MYH10: variants seen among roughly 807,000 people sequenced by gnomAD.
MYH10 encodes myosin heavy chain 10, also known as myosin-10.
A neutral mutation model predicts 257.8 loss-of-function variants in MYH10; 55 were observed. The observed-to-expected ratio is 0.21, with a 90% CI of 0.17 to 0.27. The LOEUF (loss-of-function observed/expected upper bound fraction) is 0.27. Ranked by LOEUF, MYH10 falls within the 10% of genes least tolerant of loss-of-function variation. The probability of loss-of-function intolerance (pLI) is 1.00; values close to 1 mark genes in which losing one functional copy is unlikely to be tolerated. For synonymous variants in MYH10, 854 were observed against 921.7 expected, an observed-to-expected ratio of 0.93 and a Z score of 1.33; for missense variants, 1,631 against 2,500.6, an observed-to-expected ratio of 0.65 and a Z score of 7.42.
chr17:8,563,201 C>T (rs919664674), intron 7 of MYH10, among the ~76,000 whole-genome samples: 1 of 152,180 alleles, frequency 6.6e-6, no homozygotes, highest in Non-Finnish European at 1.5e-5. Flanking sequence ...AATCCAAAGG[C>T]CAGATGGCCA....
intron 2 of MYH10, among the ~76,000 whole-genome samples, chr17:8,614,598 T>C (rs2085182803): frequency 6.6e-6 from 1 of 152,156 alleles, no homozygotes. Flanking sequence ...ATTACAGGCA[T>C]GAGCCACTGT....
chr17:8,581,365 T>C (rs268459), intron 4 of MYH10, among the ~76,000 whole-genome samples: 104,738 of 151,892 alleles, frequency 0.69, 36,175 homozygotes, highest in East Asian at 0.77. Flanking sequence ...GCCTCTTTTT[T>C]AGACTGATGA....
At chr17:8,548,046 C>T (rs1230396937) in intron 11 of MYH10, among the ~76,000 whole-genome samples, 2 of 151,978 alleles carry the variant, frequency 1.3e-5, no homozygotes, top group Admixed American at 1.3e-4. Context: ...AGTGTGTGAC[C>T]TCCTGCGGCT....
chr17:8,489,739 A>ACACACACACACACACACACC (rs1401430644), intron 35 of MYH10, among the ~76,000 whole-genome samples: 31 of 151,370 alleles, frequency 2.0e-4, no homozygotes, highest in African/African-American at 7.5e-4. Context: ...ACACACACAC[A>ACACACACACACACACACACC]CACACACCCC....
rs1438180917 is a variant in MYH10 at position 8,545,190 on chromosome 17, A to T, written c.1431+258T>A. ...GCTTCTCATCCTTCAAGTAAGCCTA[A>T]CTGTTGCCAATGCAGAAGCAACCTT... On this transcript the variant is annotated intron_variant, in intron 13 of 42. Coordinates refer to ENST00000360416, the MANE Select transcript of MYH10 (RefSeq NM_001256012.3). The surrounding 1 kb of genome is among the most constrained non-coding windows in gnomAD (Gnocchi z 4.7). Among the ~76,000 whole-genome samples the T allele has an allele frequency of 6.6e-6, 1 of 152,242 alleles. No homozygotes were observed. Among genetic ancestry groups the T allele is most frequent in the Non-Finnish European group, 1.5e-5 (1 of 68,038 alleles).
intron 34 of MYH10, among the ~76,000 whole-genome samples, chr17:8,491,206 G>A (rs975613712): frequency 2.0e-5 from 3 of 152,198 alleles, no homozygotes; most frequent in East Asian, 1.9e-4. Context: ...CAGTTCTCAC[G>A]GGGACAGGCG....
Position 8,552,218 on chromosome 17 carries a change from G to A in MYH10, c.821-74C>T. On this transcript the variant is annotated intron_variant, in intron 8 of 42. Coordinates refer to ENST00000360416, the MANE Select transcript of MYH10 (RefSeq NM_001256012.3). The surrounding 1 kb of genome is among the most constrained non-coding windows in gnomAD (Gnocchi z 4.8). ...AAATAAAGGCCCTCTTTCAGCGTCT[G>A]TAAATTTAAATCATAAAACATCTTC... 1.6e-6 allele frequency: 1 copy of A among 641,484 alleles called. No homozygotes were observed. The highest frequency in any genetic ancestry group is 2.4e-6 in the Non-Finnish European group (1 of 414,040). 39.7% of individuals were successfully genotyped at this position (641,484 alleles called of 1,614,324 possible).
chr17:8,545,586 T>C lies in MYH10; in HGVS notation c.1293A>G (p.Val431=), dbSNP rs759701496. Residue 431 remains valine, a synonymous_variant, in exon 13 of 43, where the codon GTA becomes GTG. Transcript: ENST00000360416. This position sits in a 1 kb window ranked among gnomAD's most constrained non-coding sequence, Gnocchi z 4.7. ...AQTKEQADFA[V]EALAKATYER... is the part of the protein sequence containing the mutation. ...CATAGGTAGCTTTTGCCAATGCTTC[T>C]ACTGCAAAATCTGCCTGTAATTAAA... 1.2e-6 allele frequency: 2 copies of C among 1,611,044 alleles called. No homozygotes were observed. Among genetic ancestry groups the C allele is most frequent in the Non-Finnish European group, 1.7e-6 (2 of 1,179,234 alleles).
At chr17:8,487,802 A>C (rs1915124549) in intron 35 of MYH10, among the ~76,000 whole-genome samples, 1 of 152,198 alleles carries the variant, frequency 6.6e-6, no homozygotes, top group South Asian at 2.1e-4. Flanking sequence ...ACCACCACCT[A>C]GTACAAACCA....
intron 21 of MYH10, among the ~76,000 whole-genome samples, chr17:8,518,141 G>GAAGCAT (rs2081533948): frequency 6.6e-6 from 1 of 150,612 alleles, no homozygotes; most frequent in Non-Finnish European, 1.5e-5. Flanking sequence ...GTGTGTGTGT[G>GAAGCAT]TGTGTGTTTG....
chr17:8,604,828 T>C lies in MYH10; in HGVS notation c.500A>G (p.Gln167Arg), dbSNP rs1376152892. 3 of 1,532,072 alleles carry C rather than the reference T, an allele frequency of 2.0e-6. No individual in the cohort carries two copies. The highest frequency in any genetic ancestry group is 2.6e-6 in the Non-Finnish European group (3 of 1,140,244). The allele number at this position is 1,532,072 out of a possible 1,614,324, so 94.9% of individuals were successfully genotyped here. Residue 167 changes from glutamine to arginine, a missense_variant and splice_region_variant, in exon 3 of 43, where the codon CAA (glutamine) becomes CGA (arginine). Gln to Arg is a conservative substitution (Grantham distance 43, BLOSUM62 1). Around this residue, in one of 11 missense-constraint regions of MYH10, gnomAD observed 360 missense variants for 581.9 expected, o/e 0.62. Transcript: ENST00000360416. ...AGTATTCAAATATTTCCAATTACCT[T>C]GAAGCATGCATCTGTAAGCAGATTC... Reference protein sequence around the residue: ...ISESAYRCMLQDREDQSILCT... With the variant: ...ISESAYRCMLRDREDQSILCT...
Position 8,521,394 on chromosome 17 carries a change from A to G in MYH10, c.1958-109T>C, listed in dbSNP as rs1265894091. The G allele has an allele frequency of 3.5e-6, 4 of 1,159,054 alleles. No individual in the cohort carries two copies. In the African/African-American group the frequency reaches 6.1e-5, roughly 18 times the overall value. The allele number at this position is 1,159,054 out of a possible 1,614,324, so 71.8% of individuals were successfully genotyped here. On this transcript the variant is annotated intron_variant, in intron 17 of 42. Transcript: ENST00000360416. ...GCACAAGCTTTGTGGAACAAATGAC[A>G]GGAGATGCCATATAGGTAAGGCAGT...
intron 16 of MYH10, 43 bp from the exon 17 acceptor site, chr17:8,530,728 C>G (rs1011715820): frequency 5.0e-6 from 7 of 1,410,762 alleles, no homozygotes; most frequent in Non-Finnish European, 6.8e-6. Flanking sequence ...AGAGCAAATA[C>G]ACAAACACTT....
intron 1 of MYH10, among the ~76,000 whole-genome samples, chr17:8,629,717 T>C (rs2085828533): frequency 6.6e-6 from 1 of 151,894 alleles, no homozygotes. Context: ...GCTTACACAA[T>C]AAAGGGATCC....
chr17:8,511,057 TATACAC>T (rs1191655529), intron 24 of MYH10: 1 of 62,704 alleles, frequency 1.6e-5, no homozygotes, highest in East Asian at 4.5e-4. Context: ...TATATATATA[TATACAC>T]ACATACATAC....
chr17:8,516,973 C>T (rs1373567752), intron 21 of MYH10, among the ~76,000 whole-genome samples: 1 of 151,934 alleles, frequency 6.6e-6, no homozygotes, highest in Non-Finnish European at 1.5e-5. Flanking sequence ...CCCATCTCTA[C>T]TAAAAAAAAT....
At chr17:8,566,254 T>A (rs2083164068) in intron 7 of MYH10, among the ~76,000 whole-genome samples, 1 of 152,106 alleles carries the variant, frequency 6.6e-6, no homozygotes, top group Non-Finnish European at 1.5e-5. Flanking sequence ...ACTGTAAGGA[T>A]TCATAGTAGC....
chr17:8,599,502 A>G (rs1278902335), intron 3 of MYH10, among the ~76,000 whole-genome samples: 2 of 152,122 alleles, frequency 1.3e-5, no homozygotes, highest in Non-Finnish European at 2.9e-5. Flanking sequence ...CTCCTAGATG[A>G]CTACATCACA....
intron 13 of MYH10, among the ~76,000 whole-genome samples, chr17:8,543,368 A>C (rs971145733): frequency 6.6e-6 from 1 of 152,058 alleles, no homozygotes; most frequent in African/African-American, 2.4e-5. Context: ...GACAAGCCTC[A>C]TATTTACAGA....
Sources: gnomAD v4.1 joint callset for allele counts (sites outside exome capture counted in the v4.1 genomes callset) on GRCh38, gnomAD v4.1.1 for gene constraint, gnomAD v4.1.1 regional missense constraint, Gnocchi (gnomAD v3.1) non-coding constraint, MANE v1.5 for transcripts, NCBI Gene and HGNC (gene_info 2026-07-23, HGNC 2026-07-21) for gene names.